NKAIN2: variants seen among roughly 807,000 people sequenced by gnomAD.
NKAIN2 encodes the protein sodium/potassium transporting ATPase interacting 2.
Under a neutral mutation model 32.6 loss-of-function variants are expected in NKAIN2, and 14 were observed. The observed-to-expected ratio is 0.43, with a 90% CI of 0.28 to 0.67. NKAIN2 has a LOEUF of 0.67. Ranked by LOEUF, NKAIN2 falls within the 30% of genes least tolerant of loss-of-function variation. The pLI, the probability that NKAIN2 is intolerant of heterozygous loss-of-function variation, is 0.17. For synonymous variants in NKAIN2, 80 were observed against 87.2 expected (o/e 0.92, Z 0.46); for missense variants, 198 against 258.3 (o/e 0.77, Z 1.60).
At chr6:124,510,636 T>G (rs939078867) in intron 3 of NKAIN2, among the ~76,000 whole-genome samples, 2 of 152,210 alleles carry the variant, frequency 1.3e-5, no homozygotes, top group African/African-American at 2.4e-5. Flanking sequence ...TAACTTGACA[T>G]TTTATAAAGC....
chr6:124,801,260 C>A lies in NKAIN2; in HGVS notation c.535+9861C>A, dbSNP rs146384485. 4.6e-3 allele frequency among the ~76,000 whole-genome samples: 695 copies of A among 152,206 alleles called. 5 individuals carry two copies. The highest frequency in any genetic ancestry group is 0.016 in the African/African-American group (662 of 41,538). ...CTCCTTTACACTAATTTTTTTCATT[C>A]ATTATGCCTTTGTGGATTTGCTCAT... On this transcript the variant is annotated intron_variant, in intron 5 of 6. Coordinates refer to ENST00000368417, the MANE Select transcript of NKAIN2 (RefSeq NM_001040214.3).
intron 1 of NKAIN2, among the ~76,000 whole-genome samples, chr6:124,040,708 A>G (rs952493045): frequency 3.9e-5 from 6 of 152,036 alleles, no homozygotes; most frequent in Non-Finnish European, 5.9e-5. Context: ...GGGACTTCCT[A>G]TATATGCATG....
At chr6:124,733,168 A>G (rs534859667) in intron 4 of NKAIN2, among the ~76,000 whole-genome samples, 12 of 151,908 alleles carry the variant, frequency 7.9e-5, no homozygotes, top group Non-Finnish European at 1.6e-4. Context: ...TGAGGAGAGG[A>G]AGGTTGAGTA....
rs1403276607 is a variant in NKAIN2 at position 123,832,542 on chromosome 6, AC to A, written c.54+28290del. Reference sequence around the variant, plus strand: ...AAGAATACATTTAATTTTGTAAGAAACCGCTAAACTGTCTTCCAAAGTGGCT... The same window carrying A: ...AAGAATACATTTAATTTTGTAAGAAACGCTAAACTGTCTTCCAAAGTGGCT... On this transcript the variant is annotated intron_variant, in intron 1 of 6. Coordinates refer to ENST00000368417, the MANE Select transcript of NKAIN2 (RefSeq NM_001040214.3). Among the ~76,000 whole-genome samples, 12 of 152,264 alleles carry A rather than the reference AC, an allele frequency of 7.9e-5. No individual in the cohort carries two copies. The East Asian group carries it at 2.3e-3, about 29-fold the overall frequency.
At chr6:124,129,082 C>G (rs1290358700) in intron 1 of NKAIN2, among the ~76,000 whole-genome samples, 1 of 152,206 alleles carries the variant, frequency 6.6e-6, no homozygotes, top group Non-Finnish European at 1.5e-5. Context: ...CTCTGCCTTG[C>G]AAGTCTACTG....
At chr6:124,430,165 A>G (rs1295040521) in intron 3 of NKAIN2, among the ~76,000 whole-genome samples, 1 of 152,244 alleles carries the variant, frequency 6.6e-6, no homozygotes, top group East Asian at 1.9e-4. Flanking sequence ...GGAAATTTAC[A>G]ATATAGAGAA....
chr6:124,600,331 A>G (rs976142792), intron 3 of NKAIN2, among the ~76,000 whole-genome samples: 12 of 152,124 alleles, frequency 7.9e-5, no homozygotes, highest in Non-Finnish European at 1.3e-4. Context: ...TGAAACCAAC[A>G]GCATATTTAT....
rs10574288 is a variant in NKAIN2 at position 124,066,862 on chromosome 6, TTGTGTGTG to T, written c.55-216113_55-216106del. On this transcript the variant is annotated intron_variant, in intron 1 of 6. Transcript: ENST00000368417. ...GAAAGTATATTTCAATTTGCTGCGT[TTGTGTGTG>T]TGTGTGTGTGTGTGTGTGTGTGTGT... 2.1e-3 allele frequency among the ~76,000 whole-genome samples: 311 copies of T among 149,520 alleles called. 1 individual carries two copies. The highest frequency in any genetic ancestry group is 4.8e-3 in the East Asian group (24 of 5,050).
At chr6:124,695,807 C>A (rs993114358) in intron 4 of NKAIN2, among the ~76,000 whole-genome samples, 4 of 152,194 alleles carry the variant, frequency 2.6e-5, no homozygotes, top group African/African-American at 9.6e-5. Flanking sequence ...GATGTGCTAT[C>A]TTTTCTCACC....
intron 2 of NKAIN2, among the ~76,000 whole-genome samples, chr6:124,328,283 G>A (rs1797500597): frequency 6.6e-6 from 1 of 152,152 alleles, no homozygotes; most frequent in South Asian, 2.1e-4. Context: ...TATCTGTGAT[G>A]TATTTGTTTA....
intron 1 of NKAIN2, among the ~76,000 whole-genome samples, chr6:123,899,773 A>G (rs538028727): frequency 6.6e-6 from 1 of 152,252 alleles, no homozygotes; most frequent in Non-Finnish European, 1.5e-5. Context: ...TGTCTTTACA[A>G]CACTGGGAGT....
At chr6:124,765,657 T>A (rs77898662) in intron 4 of NKAIN2, among the ~76,000 whole-genome samples, 1 of 152,226 alleles carries the variant, frequency 6.6e-6, no homozygotes, top group Non-Finnish European at 1.5e-5. Context: ...TGCACAAGCA[T>A]TAATGCCTCA....
intron 2 of NKAIN2, among the ~76,000 whole-genome samples, chr6:124,344,179 A>C (rs1373910155): frequency 3.3e-5 from 5 of 152,068 alleles, no homozygotes; most frequent in South Asian, 2.1e-4. Flanking sequence ...CTGTTCTGTC[A>C]CATTGATCTA....
chr6:124,519,641 A>G (rs2114793288), intron 3 of NKAIN2, among the ~76,000 whole-genome samples: 1 of 152,332 alleles, frequency 6.6e-6, no homozygotes, highest in Non-Finnish European at 1.5e-5. Context: ...CCAGAGTCTG[A>G]ATTAAATTAA....
At chr6:123,857,934 A>G (rs550243496) in intron 1 of NKAIN2, among the ~76,000 whole-genome samples, 2 of 152,280 alleles carry the variant, frequency 1.3e-5, no homozygotes, top group South Asian at 4.1e-4. Flanking sequence ...TAACCTCCTA[A>G]ACAAAGACAT....
intron 1 of NKAIN2, among the ~76,000 whole-genome samples, chr6:124,244,877 A>G (rs1371885680): frequency 6.6e-6 from 1 of 152,142 alleles, no homozygotes; most frequent in South Asian, 2.1e-4. Flanking sequence ...CTAGTGGAAG[A>G]TAATTTCCAT....
intron 3 of NKAIN2, among the ~76,000 whole-genome samples, chr6:124,362,920 C>T (rs996899726): frequency 9.9e-5 from 15 of 151,998 alleles, no homozygotes; most frequent in Non-Finnish European, 1.9e-4. Flanking sequence ...CTGTAGCCTC[C>T]GCCTCCCAGG....
At chr6:124,495,511 A>C (rs1266612596) in intron 3 of NKAIN2, among the ~76,000 whole-genome samples, 1 of 152,022 alleles carries the variant, frequency 6.6e-6, no homozygotes, top group African/African-American at 2.4e-5. Context: ...TCACTGAGCA[A>C]ATAGGGAGTA....
chr6:123,986,599 T>A (rs1340594840), intron 1 of NKAIN2, among the ~76,000 whole-genome samples: 1 of 152,122 alleles, frequency 6.6e-6, no homozygotes, highest in Admixed American at 6.6e-5. Flanking sequence ...TTGGGAGATT[T>A]TTTAAAAAAT....
Sources: allele counts gnomAD v4.1 joint callset (sites outside exome capture counted in the v4.1 genomes callset), GRCh38; gene constraint gnomAD v4.1.1; transcripts MANE v1.5; gene names NCBI Gene and HGNC (gene_info 2026-07-23, HGNC 2026-07-21).